CAPZA1: variants seen among roughly 807,000 people sequenced by gnomAD.
CAPZA1 encodes the protein capping actin protein of muscle Z-line subunit alpha 1, also known as F-actin-capping protein subunit alpha-1.
Under a neutral mutation model 40.8 loss-of-function variants are expected in CAPZA1, and 10 were observed. The observed-to-expected ratio is 0.25, with a 90% CI of 0.15 to 0.42. The LOEUF (loss-of-function observed/expected upper bound fraction) is 0.42. Ranked by LOEUF, CAPZA1 falls within the 10% of genes least tolerant of loss-of-function variation. CAPZA1 has a pLI of 1.00. For synonymous variants in CAPZA1, 98 were observed against 115.0 expected (o/e 0.85, Z 0.95); for missense variants, 277 against 353.8 (o/e 0.78, Z 1.74).
rs924851328 is a variant in CAPZA1 at position 112,624,351 on chromosome 1, G to A, written c.39+4468G>A. ...GGGCTGGGCATGATGGCTCACGCTC[G>A]TAATCCCAGTACTTTGGGAGGCCAA... On this transcript the variant is annotated intron_variant, in intron 1 of 9. Transcript: ENST00000263168. Among the ~76,000 whole-genome samples the A allele has an allele frequency of 3.3e-5, 5 of 152,018 alleles. No individual in the cohort carries two copies. In the East Asian group the frequency reaches 7.7e-4, roughly 23 times the overall value.
intron 1 of CAPZA1, among the ~76,000 whole-genome samples, chr1:112,623,691 A>G (rs941200323): frequency 3.3e-5 from 5 of 150,762 alleles, no homozygotes; most frequent in Non-Finnish European, 7.4e-5. Context: ...CAAAAAAAAA[A>G]AAAAAGAAAA....
At chr1:112,640,332 G>A (rs551548534) in intron 1 of CAPZA1, among the ~76,000 whole-genome samples, 12 of 96,118 alleles carry the variant, frequency 1.2e-4, no homozygotes, top group African/African-American at 1.6e-4. Flanking sequence ...TCAGCCCCCC[G>A]CCCGGCCAGC....
intron 1 of CAPZA1, among the ~76,000 whole-genome samples, chr1:112,644,114 G>T (rs1466797413): frequency 6.7e-6 from 1 of 149,786 alleles, no homozygotes; most frequent in Non-Finnish European, 1.5e-5. Flanking sequence ...CAAAGTGCTG[G>T]GATTACAGGC....
At chr1:112,632,557 G>GGGGGATGTGGGGC in intron 1 of CAPZA1, among the ~76,000 whole-genome samples, 2 of 152,146 alleles carry the variant, frequency 1.3e-5, no homozygotes, top group South Asian at 4.2e-4. Flanking sequence ...GCCAAAGACA[G>GGGGGATGTGGGGC]GGGGATGTGG....
At chr1:112,638,733 G>A (rs1425068316) in intron 1 of CAPZA1, among the ~76,000 whole-genome samples, 5 of 150,478 alleles carry the variant, frequency 3.3e-5, no homozygotes, top group South Asian at 2.2e-4. Flanking sequence ...TCAGGAGTTC[G>A]AGACCAGCCT....
chr1:112,640,379 A>G (rs1307214072), intron 1 of CAPZA1, among the ~76,000 whole-genome samples: 4 of 69,204 alleles, frequency 5.8e-5, no homozygotes, highest in Non-Finnish European at 5.4e-5. Context: ...TGAGCCCCCC[A>G]CCCGGCCAGC....
At chr1:112,664,832 G>T (rs2101189606) in intron 7 of CAPZA1, among the ~76,000 whole-genome samples, 3 of 152,290 alleles carry the variant, frequency 2.0e-5, no homozygotes, top group Admixed American at 2.0e-4. Flanking sequence ...CTACTTGGGA[G>T]TCTGAGGCAG....
intron 1 of CAPZA1, among the ~76,000 whole-genome samples, chr1:112,639,865 G>A (rs1570708623): frequency 1.1e-5 from 1 of 93,354 alleles, no homozygotes. Flanking sequence ...GGAGGGAGGT[G>A]GGGGGGTCAG....
chr1:112,636,258 A>G (rs1441342500), intron 1 of CAPZA1, among the ~76,000 whole-genome samples: 1 of 152,224 alleles, frequency 6.6e-6, no homozygotes, highest in Non-Finnish European at 1.5e-5. Context: ...AACTTTCAGT[A>G]CAGATACTAG....
intron 2 of CAPZA1, among the ~76,000 whole-genome samples, chr1:112,648,393 G>T (rs1486242469): frequency 7.8e-6 from 1 of 127,762 alleles, no homozygotes; most frequent in African/African-American, 3.0e-5. Context: ...TTTGTTGCCA[G>T]TCTGGAGTGC....
chr1:112,636,038 A>T (rs931124034), intron 1 of CAPZA1, among the ~76,000 whole-genome samples: 2 of 152,340 alleles, frequency 1.3e-5, no homozygotes, highest in South Asian at 4.1e-4. Flanking sequence ...AGAAAAAAAT[A>T]AAAAATAAAA....
At chr1:112,641,275 A>T (rs1331259166) in intron 1 of CAPZA1, among the ~76,000 whole-genome samples, 1 of 152,116 alleles carries the variant, frequency 6.6e-6, no homozygotes, top group Non-Finnish European at 1.5e-5. Context: ...TTGCTTTATC[A>T]TACTAGTAAC....
chr1:112,666,591 C>G (rs536365846), intron 7 of CAPZA1, among the ~76,000 whole-genome samples: 1 of 152,248 alleles, frequency 6.6e-6, no homozygotes, highest in South Asian at 2.1e-4. Flanking sequence ...TCTGTCCTGT[C>G]TTTAACCCTC....
chr1:112,660,563 A>AGCCAC (rs1671586404), intron 7 of CAPZA1, among the ~76,000 whole-genome samples: 1 of 152,010 alleles, frequency 6.6e-6, no homozygotes, highest in African/African-American at 2.4e-5. Flanking sequence ...TACAGGCGTG[A>AGCCAC]GCCACTGCAC....
chr1:112,669,345 C>CA (rs1247489699), intron 8 of CAPZA1, among the ~76,000 whole-genome samples, 198 bp from the exon 9 acceptor site: 1 of 152,084 alleles, frequency 6.6e-6, no homozygotes, highest in African/African-American at 2.4e-5. Flanking sequence ...TTCTCATCTG[C>CA]AAAATGGGGG....
intron 1 of CAPZA1, among the ~76,000 whole-genome samples, chr1:112,640,834 G>C (rs1275894815): frequency 1.3e-5 from 2 of 152,228 alleles, no homozygotes; most frequent in Non-Finnish European, 2.9e-5. Flanking sequence ...TGTCTGTGTA[G>C]AAGGAGGTAG....
intron 1 of CAPZA1, among the ~76,000 whole-genome samples, chr1:112,635,154 A>G (rs981378464): frequency 6.6e-6 from 1 of 152,176 alleles, no homozygotes; most frequent in African/African-American, 2.4e-5. Flanking sequence ...TATGATAAGC[A>G]TTCAAATACA....
chr1:112,630,332 A>G (rs1226174642), intron 1 of CAPZA1, among the ~76,000 whole-genome samples: 1 of 151,092 alleles, frequency 6.6e-6, no homozygotes, highest in Non-Finnish European at 1.5e-5. Context: ...TTTATTTTTT[A>G]ATTTTTTATT....
chr1:112,659,612 C>G, intron 6 of CAPZA1, 89 bp from the exon 7 acceptor site: 1 of 978,090 alleles, frequency 1.0e-6, no homozygotes. Context: ...TTTTGCACCC[C>G]TCTTTCCCAA....
Sources: gnomAD v4.1 joint callset for allele counts (sites outside exome capture counted in the v4.1 genomes callset) on GRCh38, gnomAD v4.1.1 for gene constraint, MANE v1.5 for transcripts, NCBI Gene and HGNC (gene_info 2026-07-23, HGNC 2026-07-21) for gene names.